Variants in FEV observed in about 807,000 individuals in gnomAD.
FEV encodes protein FEV.
A neutral mutation model predicts 20.5 loss-of-function variants in FEV; 14 were observed. The ratio of observed to expected loss-of-function variants is 0.68; its 90% CI spans 0.45 to 1.07. FEV has a LOEUF of 1.07. Among genes scored for constraint, FEV ranks in the 50% least tolerant of loss-of-function variants. The probability of loss-of-function intolerance (pLI) is 0.00; values close to 1 mark genes in which losing one functional copy is unlikely to be tolerated. For missense variants in FEV, 301 were observed against 345.3 expected (o/e 0.87, Z 1.02); for synonymous variants, 188 against 163.7 (o/e 1.15, Z -1.13).
In FEV at chr2:218,985,048, G is replaced by A. The variant is rs1412215754; in HGVS notation, c.28C>T (p.Leu10=). Residue 10 remains leucine (L), a synonymous_variant, in exon 1 of 3, where the codon CTG becomes TTG. Transcript: ENST00000295727. ...CCTGGCAGGTACATGTTGATCAGCA[G>A]GGGCTGGGAGGCGCCGCTCTGTCTC... MRQSGASQP[L]LINMYLPDPV... is the part of the protein sequence containing the mutation. 3 of 1,559,826 alleles carry A rather than the reference G, an allele frequency of 1.9e-6. No homozygotes were observed. The highest frequency in any genetic ancestry group is 2.6e-6 in the Non-Finnish European group (3 of 1,152,328).
At chr2:218,983,870 G>T (rs1160603013) in intron 2 of FEV, among the ~76,000 whole-genome samples, 2 of 152,198 alleles carry the variant, frequency 1.3e-5, no homozygotes, top group Non-Finnish European at 2.9e-5. Flanking sequence ...CTGTGTTTGG[G>T]GAGTAATTCC....
rs1029232396 is a variant in FEV, at chr2:218,981,642, G to A, written c.*25C>T. On this transcript the variant is annotated 3_prime_UTR_variant, in exon 3 of 3. Coordinates refer to ENST00000295727, the MANE Select transcript of FEV (RefSeq NM_017521.3). This position sits in a 1 kb window ranked among gnomAD's most constrained non-coding sequence, Gnocchi z 4.5. ...GGCGAGACTCTAGGCGTGCGGGCGA[G>A]GCCGCAGGCACCCGACCGCCCCGTC... is the stretch of plus-strand genomic sequence containing the variant. 12 of 1,281,864 alleles carry A rather than the reference G, an allele frequency of 9.4e-6. No homozygotes were observed. In the African/African-American group the frequency reaches 1.7e-4, roughly 18 times the overall value. 79.4% of individuals were successfully genotyped at this position (1,281,864 alleles called of 1,614,324 possible).
chr2:218,983,767 G>A (rs1225570226), intron 2 of FEV, among the ~76,000 whole-genome samples: 8 of 152,336 alleles, frequency 5.3e-5, no homozygotes, highest in Middle Eastern at 3.4e-3. Context: ...GCAATCGTCT[G>A]GCAGAGTTGG....
At chr2:218,982,586 G>A (rs1945401332) in intron 2 of FEV, among the ~76,000 whole-genome samples, 1 of 152,232 alleles carries the variant, frequency 6.6e-6, no homozygotes, top group African/African-American at 2.4e-5. Flanking sequence ...GGCGCACCAA[G>A]GCACTTGGCT....
Position 218,981,717 on chromosome 2 carries a change from G to A in FEV, c.667C>T (p.Pro223Ser), listed in dbSNP as rs1945387714. 2.2e-6 allele frequency: 3 copies of A among 1,335,526 alleles called. No homozygotes were observed. Among genetic ancestry groups the A allele is most frequent in the Non-Finnish European group, 2.9e-6 (3 of 1,049,712 alleles). 82.7% of individuals were successfully genotyped at this position (1,335,526 alleles called of 1,614,324 possible). Residue 223 changes from proline (P) to serine (S), a missense_variant, in exon 3 of 3, where the codon CCC becomes TCC. By Grantham distance (74) the Pro-to-Ser change is moderately conservative (BLOSUM62 -1). Transcript: ENST00000295727. This position sits in a 1 kb window ranked among gnomAD's most constrained non-coding sequence, Gnocchi z 4.5. ...PSPSLQPPPGPFGAVAAASHL... is the reference protein window; with the variant it reads ...PSPSLQPPPGSFGAVAAASHL... ...GAGGCTGCGGCCACGGCCCCGAAGG[G>A]CCCGGGCGGGGGCTGCAAGCTGGGA...
intron 2 of FEV, 86 bp from the exon 3 acceptor site, chr2:218,982,342 G>C: frequency 8.3e-7 from 1 of 1,202,696 alleles, no homozygotes; most frequent in Non-Finnish European, 1.1e-6. Flanking sequence ...GACCCACCCC[G>C]GCAGGAACCG....
Position 218,981,660 on chromosome 2 carries a change from G to T in FEV, c.*7C>A. 1 of 1,305,216 alleles carries T rather than the reference G, an allele frequency of 7.7e-7. No individual in the cohort carries two copies. Among genetic ancestry groups the T allele is most frequent in the Non-Finnish European group, 9.7e-7 (1 of 1,032,508 alleles). 80.9% of individuals were successfully genotyped at this position (1,305,216 alleles called of 1,614,324 possible). ...CGGGCGAGGCCGCAGGCACCCGACC[G>T]CCCCGTCTAGTGGTAATGGCCCCCC... On this transcript the variant is annotated 3_prime_UTR_variant, in exon 3 of 3. Coordinates refer to ENST00000295727, the MANE Select transcript of FEV (RefSeq NM_017521.3). This position sits in a 1 kb window ranked among gnomAD's most constrained non-coding sequence, Gnocchi z 4.5.
At chr2:218,983,773 G>T (rs913399108) in intron 2 of FEV, among the ~76,000 whole-genome samples, 1 of 152,236 alleles carries the variant, frequency 6.6e-6, no homozygotes, top group African/African-American at 2.4e-5. Flanking sequence ...GTCTGGCAGA[G>T]TTGGCCAGCA....
At position 218,982,231 on chromosome 2, in the gene FEV, C is replaced by T; in HGVS notation, c.153G>A (p.Gln51=). ...QKGSGQIQLW[Q]FLLELLADRA... ...GGTCAGCCAGCAGCTCCAGCAGAAA[C>T]TGCCACAGCTGGATCTGTCCGCTGC... The change falls in exon 3 of 3, where the codon CAG becomes CAA. Residue 51 remains glutamine, a synonymous_variant. Transcript: ENST00000295727. 9 of 1,600,682 alleles carry T rather than the reference C, an allele frequency of 5.6e-6. No homozygotes were observed. The highest frequency in any genetic ancestry group is 6.8e-6 in the Non-Finnish European group (8 of 1,174,914).
chr2:218,984,124 C>T lies in FEV; in HGVS notation c.127+107G>A. ...CCTCCGCACAACCAGGCCAGGACTCCGGGCTTCAGTGTGAACCCTGGGTCC... is the reference window on the plus strand; with the variant it reads ...CCTCCGCACAACCAGGCCAGGACTCTGGGCTTCAGTGTGAACCCTGGGTCC... On this transcript the variant is annotated intron_variant, in intron 2 of 2. Transcript: ENST00000295727. The surrounding 1 kb of genome is among the most constrained non-coding windows in gnomAD (Gnocchi z 5.0). 1 of 1,145,460 alleles carries T rather than the reference C, an allele frequency of 8.7e-7. No individual in the cohort carries two copies. The highest frequency in any genetic ancestry group is 1.2e-6 in the Non-Finnish European group (1 of 812,136). The allele number at this position is 1,145,460 out of a possible 1,614,324, so 71.0% of individuals were successfully genotyped here. A position where few individuals can be genotyped will look rare whatever the true frequency, so the allele number is the denominator to read the frequency against.
Position 218,982,172 on chromosome 2 carries a change from C to A in FEV, c.212G>T (p.Gly71Val). ...ANAGCIAWEG[G>V]HGEFKLTDPD... ...GTCCGTGAGCTTGAACTCGCCGTGA[C>A]CGCCCTCCCACGCGATGCAGCCGGC... Residue 71 changes from glycine (G) to valine (V), a missense_variant, in exon 3 of 3, where the codon GGT (glycine) becomes GTT (valine). By Grantham distance (109) the Gly-to-Val change is moderately radical (BLOSUM62 -3). Coordinates refer to ENST00000295727, the MANE Select transcript of FEV (RefSeq NM_017521.3). 6.2e-7 allele frequency: 1 copy of A among 1,612,940 alleles called. No individual in the cohort carries two copies. The highest frequency in any genetic ancestry group is 8.5e-7 in the Non-Finnish European group (1 of 1,179,710).
rs966646720 is a variant in FEV at position 218,984,615 on chromosome 2, G to T, written c.53-310C>A. The T allele has an allele frequency of 2.8e-4, 112 of 398,060 alleles. 1 individual carries two copies. The highest frequency in any genetic ancestry group is 4.5e-4 in the Non-Finnish European group (100 of 222,270). The allele number at this position is 398,060 out of a possible 1,614,324, so 24.7% of individuals were successfully genotyped here. On this transcript the variant is annotated intron_variant, in intron 1 of 2. Coordinates refer to ENST00000295727, the MANE Select transcript of FEV (RefSeq NM_017521.3). This position sits in a 1 kb window ranked among gnomAD's most constrained non-coding sequence, Gnocchi z 5.0. Reference sequence around the variant, plus strand: ...TGGAGCGCGAAGAGAAGAGGAGGGTGCCTGGAGGGCCGGCCTGAAGCTCGT... The same window carrying T: ...TGGAGCGCGAAGAGAAGAGGAGGGTTCCTGGAGGGCCGGCCTGAAGCTCGT...
chr2:218,982,885 G>A (rs1428573178), intron 2 of FEV, among the ~76,000 whole-genome samples: 1 of 152,242 alleles, frequency 6.6e-6, no homozygotes, highest in East Asian at 1.9e-4. Context: ...ACATCCGACA[G>A]GAGTAGGAAC....
intron 2 of FEV, among the ~76,000 whole-genome samples, chr2:218,983,761 T>G (rs980787438): frequency 6.6e-6 from 1 of 152,134 alleles, no homozygotes; most frequent in African/African-American, 2.4e-5. Flanking sequence ...TCAATTGCAA[T>G]CGTCTGGCAG....
At position 218,981,967 on chromosome 2, in the gene FEV, G is replaced by A. The variant is rs750483793; in HGVS notation, c.417C>T (p.Pro139=). Residue 139 remains proline, a synonymous_variant, in exon 3 of 3, where the codon CCC becomes CCT. Coordinates refer to ENST00000295727, the MANE Select transcript of FEV (RefSeq NM_017521.3). The surrounding 1 kb of genome is among the most constrained non-coding windows in gnomAD (Gnocchi z 4.5). ...CTGCGGCGGCGGCATGAGCGTGCGC[G>A]GGCGGCGGCTGGCAGGCCTGCGCCA... is the stretch of plus-strand genomic sequence containing the variant. ...QGLAQACQPP[P]AHAHAAAAAA... is the part of the protein sequence containing the mutation. 1.4e-5 allele frequency: 22 copies of A among 1,561,288 alleles called. 1 individual carries two copies. The South Asian group carries it at 2.6e-4, about 18-fold the overall frequency.
At chr2:218,982,370 G>A (rs900417830) in intron 2 of FEV, 114 bp from the exon 3 acceptor site, 11 of 962,694 alleles carry the variant, frequency 1.1e-5, no homozygotes, top group African/African-American at 4.9e-5. Context: ...GGGAGGAAAA[G>A]TGCAAGTCAA....
Position 218,981,600 on chromosome 2 carries a change from G to C in FEV, c.*67C>G. ...GACGGAGGCTCCCGGGCCCTCCCCG[G>C]GATGCCGATGGGATCGGGCGAGACT... On this transcript the variant is annotated 3_prime_UTR_variant, in exon 3 of 3. Coordinates refer to ENST00000295727, the MANE Select transcript of FEV (RefSeq NM_017521.3). This position sits in a 1 kb window ranked among gnomAD's most constrained non-coding sequence, Gnocchi z 4.5. 1 of 1,199,048 alleles carries C rather than the reference G, an allele frequency of 8.3e-7. No homozygotes were observed. Among genetic ancestry groups the C allele is most frequent in the Non-Finnish European group, 1.0e-6 (1 of 952,436 alleles). The allele number at this position is 1,199,048 out of a possible 1,614,324, so 74.3% of individuals were successfully genotyped here. A position where few individuals can be genotyped will look rare whatever the true frequency, so the allele number is the denominator to read the frequency against.
chr2:218,983,079 A>C (rs2106011656), intron 2 of FEV, among the ~76,000 whole-genome samples: 1 of 152,244 alleles, frequency 6.6e-6, no homozygotes. Flanking sequence ...AACTCTGAGG[A>C]GGGGAACGGA....
Position 218,984,466 on chromosome 2 carries a change from G to C in FEV, c.53-161C>G, listed in dbSNP as rs1945420427. 1 of 625,008 alleles carries C rather than the reference G, an allele frequency of 1.6e-6. No homozygotes were observed. The highest frequency in any genetic ancestry group is 2.7e-6 in the Non-Finnish European group (1 of 366,952). 38.7% of individuals were successfully genotyped at this position (625,008 alleles called of 1,614,324 possible). On this transcript the variant is annotated intron_variant, in intron 1 of 2. Coordinates refer to ENST00000295727, the MANE Select transcript of FEV (RefSeq NM_017521.3). This position sits in a 1 kb window ranked among gnomAD's most constrained non-coding sequence, Gnocchi z 5.0. ...CCTCCTCCCGGAGCCTGGTCCAGGC[G>C]CGCTGCGCGGAGCCCCTCCATAGAG... is the stretch of plus-strand genomic sequence containing the variant.
Sources: allele counts gnomAD v4.1 joint callset (sites outside exome capture counted in the v4.1 genomes callset), GRCh38; gene constraint gnomAD v4.1.1; non-coding constraint Gnocchi (gnomAD v3.1); transcripts MANE v1.5; gene names NCBI Gene and HGNC (gene_info 2026-07-23, HGNC 2026-07-21).